PPAN: variants seen among roughly 807,000 people sequenced by gnomAD.
PPAN encodes the protein suppressor of SWI4 1 homolog.
In PPAN, 39 loss-of-function variants were observed where a neutral mutation model predicts 48.5. That is an observed-to-expected ratio of 0.80 (90% CI 0.62 to 1.05). PPAN has a LOEUF of 1.05. Ranked by LOEUF, PPAN falls within the 50% of genes least tolerant of loss-of-function variation. The probability of loss-of-function intolerance (pLI) is 0.00; values close to 1 mark genes in which losing one functional copy is unlikely to be tolerated. For synonymous variants in PPAN, 315 were observed against 268.6 expected, an observed-to-expected ratio of 1.17 and a Z score of -1.69; for missense variants, 736 against 661.7, an observed-to-expected ratio of 1.11 and a Z score of -1.23.
chr19:10,107,658 C>G (rs1481728617), intron 3 of PPAN, 52 bp downstream of exon 3: 15 of 1,587,330 alleles, frequency 9.4e-6, no homozygotes, highest in East Asian at 4.5e-5. Context: ...CTTCCCCTAT[C>G]TCTCATGATG....
At position 10,111,754 on chromosome 19, in the gene PPAN, A is replaced by T; in HGVS notation, c.*589A>T. The T allele has an allele frequency of 6.2e-7, 1 of 1,613,250 alleles. No individual in the cohort carries two copies. Among genetic ancestry groups the T allele is most frequent in the Non-Finnish European group, 8.5e-7 (1 of 1,179,654 alleles). On this transcript the variant is annotated 3_prime_UTR_variant, in exon 12 of 12. Coordinates refer to ENST00000253107, the MANE Select transcript of PPAN (RefSeq NM_020230.7). Reference sequence around the variant, plus strand: ...CCAACGTCTCGGGTAAGGAGAAGGCATGTTGGCTGTCTCTGGGGGTCTGCA... The same window carrying T: ...CCAACGTCTCGGGTAAGGAGAAGGCTTGTTGGCTGTCTCTGGGGGTCTGCA...
rs1050902371 is a variant in PPAN at position 10,111,593 on chromosome 19, C to T, written c.*428C>T. ...AAGGAAACGTGGGTGGAAAGGCACG[C>T]TGGCCTGCTCTGCTGGCTGGGCCAG... On this transcript the variant is annotated 3_prime_UTR_variant, in exon 12 of 12. Coordinates refer to ENST00000253107, the MANE Select transcript of PPAN (RefSeq NM_020230.7). The T allele has an allele frequency of 3.4e-6, 4 of 1,177,900 alleles. No homozygotes were observed. The African/African-American group carries it at 4.5e-5, about 13-fold the overall frequency. 73.0% of individuals were successfully genotyped at this position (1,177,900 alleles called of 1,614,324 possible). A position where few individuals can be genotyped will look rare whatever the true frequency, so the allele number is the denominator to read the frequency against.
chr19:10,110,468 C>A lies in PPAN; in HGVS notation c.902-17C>A. ...GAGCTGCACCCGGATCTTGGTGACC[C>A]GCGTCTCTTGGCTCAGTGAGCAAGA... On this transcript the variant is annotated splice_polypyrimidine_tract_variant and intron_variant, in intron 9 of 11. Coordinates refer to ENST00000253107, the MANE Select transcript of PPAN (RefSeq NM_020230.7). The surrounding 1 kb of genome is among the most constrained non-coding windows in gnomAD (Gnocchi z 5.9). The A allele has an allele frequency of 6.2e-7, 1 of 1,612,296 alleles. No individual in the cohort carries two copies.
intron 2 of PPAN, 154 bp downstream of exon 2, chr19:10,106,825 CT>C: frequency 7.9e-7 from 1 of 1,266,288 alleles, no homozygotes; most frequent in Non-Finnish European, 1.1e-6. Context: ...CCTTTCAGGG[CT>C]TTTGCTGGGC....
chr19:10,108,221 C>A (rs553813291), intron 5 of PPAN, 87 bp downstream of exon 5: 5 of 1,509,654 alleles, frequency 3.3e-6, no homozygotes, highest in East Asian at 4.6e-5. Context: ...CTCACTCCTC[C>A]CAGCGCTGAG....
chr19:10,106,422 G>A lies in PPAN; in HGVS notation c.18+10G>A, dbSNP rs1425803803. On this transcript the variant is annotated intron_variant, in intron 1 of 11. Transcript: ENST00000253107. Reference sequence around the variant, plus strand: ...GGGACAGTCAGGGAGGGTAAGGCCCGGCAGCTTGGGAGGCAGGTGGCGCAG... The same window carrying A: ...GGGACAGTCAGGGAGGGTAAGGCCCAGCAGCTTGGGAGGCAGGTGGCGCAG... 4.5e-6 allele frequency: 7 copies of A among 1,548,480 alleles called. No individual in the cohort carries two copies. The highest frequency in any genetic ancestry group is 1.2e-5 in the South Asian group (1 of 83,874).
Position 10,106,569 on chromosome 19 carries a change from G to T in PPAN, c.87G>T (p.Pro29=), listed in dbSNP as rs775333581. Residue 29 remains proline (P), a synonymous_variant, in exon 2 of 12, where the codon CCG becomes CCT. Transcript: ENST00000253107. Reference sequence around the variant, plus strand: ...ACCTCGAGGCCTATGCCGCGAACCCGCACTCGTTCGTGTTCACGCGAGGCT... The same window carrying T: ...ACCTCGAGGCCTATGCCGCGAACCCTCACTCGTTCGTGTTCACGCGAGGCT... ...LRNLEAYAAN[P]HSFVFTRGCT... 9.0e-6 allele frequency: 14 copies of T among 1,552,862 alleles called. No homozygotes were observed. Among genetic ancestry groups the T allele is most frequent in the African/African-American group, 4.1e-5 (3 of 73,472 alleles).
upstream of PPAN, chr19:10,106,239 C>T (rs141612097): frequency 9.0e-5 from 121 of 1,343,696 alleles, no homozygotes; most frequent in African/African-American, 1.5e-3. Context: ...CCATAGCAAC[C>T]GCTCCATCTG....
In PPAN at chr19:10,106,688, C is replaced by G. The variant is rs1295092961; in HGVS notation, c.189+17C>G. 8.6e-6 allele frequency: 13 copies of G among 1,513,460 alleles called. No individual in the cohort carries two copies. The highest frequency in any genetic ancestry group is 2.5e-5 in the East Asian group (1 of 40,260). 93.8% of individuals were successfully genotyped at this position (1,513,460 alleles called of 1,614,324 possible). A position where few individuals can be genotyped will look rare whatever the true frequency, so the allele number is the denominator to read the frequency against. On this transcript the variant is annotated intron_variant, in intron 2 of 11. Transcript: ENST00000253107. ...CGTCTGCAGGTTTGTACCCCACCCC[C>G]AGCCCGCCTCCACCCACCCTCGGCC... is the stretch of plus-strand genomic sequence containing the variant.
rs202216176 is a variant in PPAN at position 10,108,150 on chromosome 19, C to A, written c.513+16C>A. 6 of 1,598,362 alleles carry A rather than the reference C, an allele frequency of 3.8e-6. No homozygotes were observed. The Admixed American group carries it at 1.0e-4, about 27-fold the overall frequency. On this transcript the variant is annotated intron_variant, in intron 5 of 11. Coordinates refer to ENST00000253107, the MANE Select transcript of PPAN (RefSeq NM_020230.7). ...CGTGCACAAGGTGGGTCTGGCCTGG[C>A]GAGGTGGCAGGTATGGGGGGGTGCA...
Position 10,110,103 on chromosome 19 carries a change from C to T in PPAN, c.699-20C>T. The T allele has an allele frequency of 6.2e-7, 1 of 1,610,618 alleles. No homozygotes were observed. Among genetic ancestry groups the T allele is most frequent in the South Asian group, 1.1e-5 (1 of 91,044 alleles). Reference sequence around the variant, plus strand: ...GGAGCCTGAGCTCCCCCACTGAGCCCTGTTATGTCCTACACACAGGGGCGC... The same window carrying T: ...GGAGCCTGAGCTCCCCCACTGAGCCTTGTTATGTCCTACACACAGGGGCGC... On this transcript the variant is annotated intron_variant, in intron 7 of 11. Transcript: ENST00000253107. The surrounding 1 kb of genome is among the most constrained non-coding windows in gnomAD (Gnocchi z 5.9).
At position 10,110,281 on chromosome 19, in the gene PPAN, C is replaced by T. The variant is rs753003638; in HGVS notation, c.822+35C>T. 3 of 1,612,832 alleles carry T rather than the reference C, an allele frequency of 1.9e-6. No individual in the cohort carries two copies. The highest frequency in any genetic ancestry group is 2.5e-6 in the Non-Finnish European group (3 of 1,179,714). On this transcript the variant is annotated intron_variant, in intron 8 of 11. Coordinates refer to ENST00000253107, the MANE Select transcript of PPAN (RefSeq NM_020230.7). This position sits in a 1 kb window ranked among gnomAD's most constrained non-coding sequence, Gnocchi z 5.9. ...AGGGCAGGGGGACCCCCGGGCTCCACCAGTCCCAACGGTGGGCTGACGCTT... is the reference window on the plus strand; with the variant it reads ...AGGGCAGGGGGACCCCCGGGCTCCATCAGTCCCAACGGTGGGCTGACGCTT...
chr19:10,106,712 C>A, intron 2 of PPAN, 41 bp downstream of exon 2: 1 of 1,497,254 alleles, frequency 6.7e-7, no homozygotes, highest in Admixed American at 2.0e-5. Context: ...CCACCCTCGG[C>A]CTAGTCTTCG....
rs1271354651 is a variant in PPAN, at chr19:10,106,579, G to T, written c.97G>T (p.Val33Leu). ...EAYAANPHSF[V>L]FTRGCTGRNI... ...CTATGCCGCGAACCCGCACTCGTTC[G>T]TGTTCACGCGAGGCTGCACGGGTCG... Residue 33 changes from valine (V) to leucine (L), a missense_variant, in exon 2 of 12, where the codon GTG (valine) becomes TTG (leucine). Val to Leu is a conservative substitution (Grantham distance 32, BLOSUM62 1). Transcript: ENST00000253107. 1 of 1,552,496 alleles carries T rather than the reference G, an allele frequency of 6.4e-7. No individual in the cohort carries two copies. Among genetic ancestry groups the T allele is most frequent in the Non-Finnish European group, 8.7e-7 (1 of 1,148,796 alleles).
At chr19:10,109,869 G>T (rs376596939) in intron 6 of PPAN, 44 bp from the exon 7 acceptor site, 2 of 1,608,658 alleles carry the variant, frequency 1.2e-6, no homozygotes, top group African/African-American at 1.3e-5. Context: ...GCCCCATCAC[G>T]TGCCCCCTGA....
In PPAN at chr19:10,111,786, C is replaced by G. The variant is rs2089088199; in HGVS notation, c.*621C>G. On this transcript the variant is annotated 3_prime_UTR_variant, in exon 12 of 12. Transcript: ENST00000253107. Reference sequence around the variant, plus strand: ...CTGTCTCTGGGGGTCTGCAGATTGTCAGGAGGTGGGGGTAGTGGGTATTGG... The same window carrying G: ...CTGTCTCTGGGGGTCTGCAGATTGTGAGGAGGTGGGGGTAGTGGGTATTGG... 1.2e-6 allele frequency: 2 copies of G among 1,610,194 alleles called. No individual in the cohort carries two copies. The highest frequency in any genetic ancestry group is 1.1e-5 in the South Asian group (1 of 90,898).
At position 10,106,740 on chromosome 19, in the gene PPAN, C is replaced by T. The variant is rs1037184615; in HGVS notation, c.189+69C>T. On this transcript the variant is annotated intron_variant, in intron 2 of 11. Coordinates refer to ENST00000253107, the MANE Select transcript of PPAN (RefSeq NM_020230.7). Reference sequence around the variant, plus strand: ...AGTCTTCGTAGCTGCAGTAATGGCTCCCGCTGTAAAACTGTGGGAGGACTT... The same window carrying T: ...AGTCTTCGTAGCTGCAGTAATGGCTTCCGCTGTAAAACTGTGGGAGGACTT... 3.2e-5 allele frequency: 47 copies of T among 1,470,308 alleles called. 2 individuals carry two copies. In the South Asian group the frequency reaches 5.7e-4, roughly 18 times the overall value. The allele number at this position is 1,470,308 out of a possible 1,614,324, so 91.1% of individuals were successfully genotyped here.
chr19:10,109,796 T>C, intron 6 of PPAN, 89 bp downstream of exon 6: 1 of 1,588,864 alleles, frequency 6.3e-7, no homozygotes, highest in Admixed American at 1.7e-5. Flanking sequence ...TGAGACGCTG[T>C]GATTGCTCTG....
upstream of PPAN, chr19:10,106,297 G>T: frequency 1.3e-6 from 2 of 1,533,212 alleles, no homozygotes; most frequent in Non-Finnish European, 8.8e-7. Context: ...AGGCCCGCCT[G>T]ATGTCGTCCC....
Sources: gnomAD v4.1 joint callset for allele counts on GRCh38, gnomAD v4.1.1 for gene constraint, Gnocchi (gnomAD v3.1) non-coding constraint, MANE v1.5 for transcripts, NCBI Gene and HGNC (gene_info 2026-07-23, HGNC 2026-07-21) for gene names.